The following SLC2A4RG variants were observed in gnomAD, a reference collection of about 807,000 sequenced individuals.
SLC2A4RG encodes SLC2A4 regulator, also known as GLUT4 enhancer factor.
Under a neutral mutation model 35.5 loss-of-function variants are expected in SLC2A4RG, and 23 were observed. That is an observed-to-expected ratio of 0.65 (90% CI 0.47 to 0.92). SLC2A4RG has a LOEUF of 0.92. Among genes scored for constraint, SLC2A4RG ranks in the 40% least tolerant of loss-of-function variants. SLC2A4RG has a pLI of 0.00. For missense variants in SLC2A4RG, 539 were observed against 525.0 expected (o/e 1.03, Z -0.26); for synonymous variants, 306 against 243.7 (o/e 1.26, Z -2.38).
chr20:63,741,201 C>T lies in SLC2A4RG; in HGVS notation c.282-169C>T, dbSNP rs372631990. 3.8e-4 allele frequency: 239 copies of T among 635,294 alleles called. No homozygotes were observed. In the South Asian group the frequency reaches 4.5e-3, roughly 12 times the overall value. 39.4% of individuals were successfully genotyped at this position (635,294 alleles called of 1,614,324 possible). A position where few individuals can be genotyped will look rare whatever the true frequency, so the allele number is the denominator to read the frequency against. ...CCCTGCTCCTGGCGGCTCCGGGTGG[C>T]TTTCAGCTCTCTCTGCAACCTGAGC... On this transcript the variant is annotated intron_variant, in intron 2 of 7. Coordinates refer to ENST00000266077, the MANE Select transcript of SLC2A4RG (RefSeq NM_020062.4).
chr20:63,741,627 G>GGCCAAAGCGGC, intron 3 of SLC2A4RG, 148 bp downstream of exon 3: 1 of 1,117,660 alleles, frequency 8.9e-7, no homozygotes, highest in South Asian at 1.6e-5. Flanking sequence ...CCCCTACTGA[G>GGCCAAAGCGGC]GCCAAAGCGG....
Position 63,742,631 on chromosome 20 carries a change from G to T in SLC2A4RG, c.960+16G>T. 6.3e-7 allele frequency: 1 copy of T among 1,576,638 alleles called. No individual in the cohort carries two copies. Among genetic ancestry groups the T allele is most frequent in the Non-Finnish European group, 8.6e-7 (1 of 1,156,342 alleles). On this transcript the variant is annotated intron_variant, in intron 6 of 7. Coordinates refer to ENST00000266077, the MANE Select transcript of SLC2A4RG (RefSeq NM_020062.4). ...TGTCTACCAGGTGGGTGAGGCCACG[G>T]GTGGCAGCTGGGGCGGGTCTCAGGG...
At position 63,741,482 on chromosome 20, in the gene SLC2A4RG, A is replaced by G; in HGVS notation, c.391+3A>G. On this transcript the variant is annotated splice_donor_region_variant and intron_variant, in intron 3 of 7. Transcript: ENST00000266077. ...CCCGGTTGCAGCCTTCAGCCCAGGT[A>G]AGACTCAGATGTCTGCATTTAGGGG... The G allele has an allele frequency of 3.1e-6, 5 of 1,612,094 alleles. No homozygotes were observed. Among genetic ancestry groups the G allele is most frequent in the Non-Finnish European group, 3.4e-6 (4 of 1,178,926 alleles).
Position 63,743,114 on chromosome 20 carries a change from AC to A in SLC2A4RG, c.*125del. 1 of 92,010 alleles carries A rather than the reference AC, an allele frequency of 1.1e-5. No homozygotes were observed. Among genetic ancestry groups the A allele is most frequent in the Admixed American group, 1.4e-4 (1 of 6,954 alleles). 5.7% of individuals were successfully genotyped at this position (92,010 alleles called of 1,614,324 possible). A position where few individuals can be genotyped will look rare whatever the true frequency, so the allele number is the denominator to read the frequency against. ...TTCACCAGCTGCAGGGTCTGCTTTT[AC>A]TTGGGGTGGGGGGGCGGGGCTGACC... is the stretch of plus-strand genomic sequence containing the variant. On this transcript the variant is annotated 3_prime_UTR_variant, in exon 8 of 8. Transcript: ENST00000266077.
chr20:63,741,241 G>A, intron 2 of SLC2A4RG, 129 bp from the exon 3 acceptor site: 1 of 825,032 alleles, frequency 1.2e-6, no homozygotes, highest in Non-Finnish European at 1.9e-6. Flanking sequence ...GGAGGAGCCA[G>A]GCCTCATGCC....
chr20:63,740,669 G>GAA, intron 2 of SLC2A4RG, 138 bp downstream of exon 2: 1 of 874,202 alleles, frequency 1.1e-6, no homozygotes, highest in Non-Finnish European at 1.5e-6. Flanking sequence ...CTTCAGCCCT[G>GAA]GAGGAGCTGA....
rs1381855519 is a variant in SLC2A4RG, at chr20:63,742,809, C to T, written c.1052+19C>T. On this transcript the variant is annotated intron_variant, in intron 7 of 7. Transcript: ENST00000266077. ...CCCTGAGGTGCGTGTGGGCTGAGGGCCTGCGGCTGGCACCAGGTGGGGAGG... is the reference window on the plus strand; with the variant it reads ...CCCTGAGGTGCGTGTGGGCTGAGGGTCTGCGGCTGGCACCAGGTGGGGAGG... 29 of 1,573,680 alleles carry T rather than the reference C, an allele frequency of 1.8e-5. No individual in the cohort carries two copies. Among genetic ancestry groups the T allele is most frequent in the Non-Finnish European group, 2.5e-5 (29 of 1,158,528 alleles).
rs1004469764 is a variant in SLC2A4RG, at chr20:63,739,964, G to A, written c.52G>A (p.Ala18Thr). 15 of 979,926 alleles carry A rather than the reference G, an allele frequency of 1.5e-5. No individual in the cohort carries two copies. Among genetic ancestry groups the A allele is most frequent in the Admixed American group, 6.4e-5 (1 of 15,728 alleles). 60.7% of individuals were successfully genotyped at this position (979,926 alleles called of 1,614,324 possible). Residue 18 changes from alanine to threonine, a missense_variant, in exon 1 of 8, where the codon GCC becomes ACC. Transcript: ENST00000266077. ...AAGRDPSALRAEAPWLRAEGP... is the reference protein window; with the variant it reads ...AAGRDPSALRTEAPWLRAEGP... ...CGGCCGGGACCCCAGTGCGCTGCGG[G>A]CCGAGGCGCCGTGGCTGCGCGCGGA...
rs147189646 is a variant in SLC2A4RG at position 63,741,974 on chromosome 20, C to T, written c.497C>T (p.Ser166Phe). The change falls in exon 4 of 8, where the codon TCC (serine) becomes TTC (phenylalanine). Residue 166 changes from serine to phenylalanine, a missense_variant. Coordinates refer to ENST00000266077, the MANE Select transcript of SLC2A4RG (RefSeq NM_020062.4). ...GGATGGGACCTGGCCAGTGACCAGT[C>T]CTCTCCGTCCACCCCGTCACCCCCA... ...DWGWDLASDQ[S>F]SPSTPSPPLP... The T allele has an allele frequency of 6.8e-6, 11 of 1,612,930 alleles. No homozygotes were observed. Among genetic ancestry groups the T allele is most frequent in the African/African-American group, 1.3e-5 (1 of 74,922 alleles).
Position 63,740,534 on chromosome 20 carries a change from G to T in SLC2A4RG, c.281+3G>T. 1 of 1,229,230 alleles carries T rather than the reference G, an allele frequency of 8.1e-7. No homozygotes were observed. Among genetic ancestry groups the T allele is most frequent in the South Asian group, 4.1e-5 (1 of 24,264 alleles). The allele number at this position is 1,229,230 out of a possible 1,614,324, so 76.1% of individuals were successfully genotyped here. A position where few individuals can be genotyped will look rare whatever the true frequency, so the allele number is the denominator to read the frequency against. On this transcript the variant is annotated splice_donor_region_variant and intron_variant, in intron 2 of 7. Transcript: ENST00000266077. ...CACATCCCCGTCCCAGCGCAGAGGT[G>T]AGCGGGAGGCCCGGTGCCTCGGGAC... is the stretch of plus-strand genomic sequence containing the variant.
At chr20:63,740,666 C>A (rs2092037013) in intron 2 of SLC2A4RG, 135 bp downstream of exon 2, 2 of 879,708 alleles carry the variant, frequency 2.3e-6, no homozygotes, top group Admixed American at 4.4e-5. Flanking sequence ...GCTCTTCAGC[C>A]CTGGAGGAGC....
intron 3 of SLC2A4RG, 123 bp downstream of exon 3, chr20:63,741,602 C>T: frequency 8.8e-7 from 1 of 1,139,520 alleles, no homozygotes; most frequent in South Asian, 1.6e-5. Flanking sequence ...AAATGGACTC[C>T]CGCACCCTCA....
At chr20:63,740,628 C>T (rs1340377837) in intron 2 of SLC2A4RG, 97 bp downstream of exon 2, 2 of 1,172,904 alleles carry the variant, frequency 1.7e-6, no homozygotes, top group South Asian at 4.4e-5. Context: ...GTCAGGGCCC[C>T]AGGTTTGTAA....
At position 63,742,872 on chromosome 20, in the gene SLC2A4RG, C is replaced by A. The variant is rs759620200; in HGVS notation, c.1053-7C>A. 5 of 1,609,462 alleles carry A rather than the reference C, an allele frequency of 3.1e-6. No individual in the cohort carries two copies. The highest frequency in any genetic ancestry group is 1.3e-5 in the African/African-American group (1 of 74,966). ...CAGCACCCCATGTCCTGTGACCCCC[C>A]GCACAGGAAGCCCCGCGGCGACGCG... On this transcript the variant is annotated splice_polypyrimidine_tract_variant and splice_region_variant and intron_variant, in intron 7 of 7. Transcript: ENST00000266077.
Position 63,740,524 on chromosome 20 carries a change from G to A in SLC2A4RG, c.274G>A (p.Ala92Thr). 1.6e-6 allele frequency: 2 copies of A among 1,229,396 alleles called. No individual in the cohort carries two copies. Among genetic ancestry groups the A allele is most frequent in the Non-Finnish European group, 2.0e-6 (2 of 986,086 alleles). The allele number at this position is 1,229,396 out of a possible 1,614,324, so 76.2% of individuals were successfully genotyped here. A position where few individuals can be genotyped will look rare whatever the true frequency, so the allele number is the denominator to read the frequency against. Residue 92 changes from alanine to threonine, a missense_variant, in exon 2 of 8, where the codon GCG becomes ACG. Transcript: ENST00000266077. ...RTPSAHIPVP[A>T]QRATPGKARL... ...TCCGTCGGCGCACATCCCCGTCCCA[G>A]CGCAGAGGTGAGCGGGAGGCCCGGT...
Position 63,742,410 on chromosome 20 carries a change from C to A in SLC2A4RG, c.755C>A (p.Thr252Lys). 1 of 1,610,614 alleles carries A rather than the reference C, an allele frequency of 6.2e-7. No individual in the cohort carries two copies. Among genetic ancestry groups the A allele is most frequent in the East Asian group, 2.2e-5 (1 of 44,856 alleles). ...YYTELDVGVD[T>K]LTDGLSSLTP... ...ACAGAGCTGGATGTTGGTGTGGACA[C>A]GCTGACCGACGGGCTGTCCAGCCTG... The change falls in exon 6 of 8, where the codon ACG becomes AAG. Residue 252 changes from threonine (T) to lysine (K), a missense_variant. Coordinates refer to ENST00000266077, the MANE Select transcript of SLC2A4RG (RefSeq NM_020062.4).
rs1419538390 is a variant in SLC2A4RG, at chr20:63,742,725, G to C, written c.987G>C (p.Glu329Asp). The C allele has an allele frequency of 1.3e-6, 2 of 1,598,166 alleles. No homozygotes were observed. The highest frequency in any genetic ancestry group is 1.7e-6 in the Non-Finnish European group (2 of 1,173,628). Residue 329 changes from glutamate to aspartate, a missense_variant, in exon 7 of 8, where the codon GAG becomes GAC. Physicochemically the swap from Glu to Asp is conservative, Grantham distance 45. Transcript: ENST00000266077. The part of the protein sequence containing the change: ...YQGCLTPARL[E>D]PQPTEVGACP... ...GCTGCCTGACGCCCGCCCGCCTGGA[G>C]CCGCAGCCCACGGAGGTCGGAGCCT...
Position 63,743,207 on chromosome 20 carries a change from C to CT in SLC2A4RG, c.*222dup, listed in dbSNP as rs1482762137. ...CTCAAAGTGCCTCTAAAGAAACCAG[C>CT]TTTTTGCACTAAAGCCAAACCACAC... On this transcript the variant is annotated 3_prime_UTR_variant, in exon 8 of 8. Coordinates refer to ENST00000266077, the MANE Select transcript of SLC2A4RG (RefSeq NM_020062.4). 3 of 504,542 alleles carry CT rather than the reference C, an allele frequency of 5.9e-6. No homozygotes were observed. The highest frequency in any genetic ancestry group is 3.6e-6 in the Non-Finnish European group (1 of 281,606). The allele number at this position is 504,542 out of a possible 1,614,324, so 31.3% of individuals were successfully genotyped here. A position where few individuals can be genotyped will look rare whatever the true frequency, so the allele number is the denominator to read the frequency against.
In SLC2A4RG at chr20:63,740,475, G is replaced by T. The variant is rs1490442635; in HGVS notation, c.225G>T (p.Thr75=). The T allele has an allele frequency of 9.8e-6, 12 of 1,229,796 alleles. 1 individual carries two copies. The South Asian group carries it at 2.9e-4, about 29-fold the overall frequency. The allele number at this position is 1,229,796 out of a possible 1,614,324, so 76.2% of individuals were successfully genotyped here. Residue 75 remains threonine, a synonymous_variant, in exon 2 of 8, where the codon ACG becomes ACT. Transcript: ENST00000266077. ...ASDLGAPRTW[T]GAAAGPRTPS... ...ACCTGGGGGCCCCCCGGACGTGGACGGGGGCGGCGGCGGGGCCCCGGACTC... is the reference window on the plus strand; with the variant it reads ...ACCTGGGGGCCCCCCGGACGTGGACTGGGGCGGCGGCGGGGCCCCGGACTC...
Sources: gnomAD v4.1 joint callset for allele counts on GRCh38, gnomAD v4.1.1 for gene constraint, MANE v1.5 for transcripts, NCBI Gene and HGNC (gene_info 2026-07-23, HGNC 2026-07-21) for gene names.